Variants in ITPR1 observed in about 807,000 individuals in gnomAD.
The protein encoded by ITPR1 is inositol 1,4,5-trisphosphate-gated calcium channel ITPR1.
In ITPR1, 96 loss-of-function variants were observed where a neutral mutation model predicts 318.4. That is an observed-to-expected ratio of 0.30 (90% confidence interval 0.26 to 0.36). The LOEUF is 0.36. ITPR1 is among the 10% of genes least tolerant of loss of function. The probability of loss-of-function intolerance (pLI) is 1.00; values close to 1 mark genes in which losing one functional copy is unlikely to be tolerated. For synonymous variants in ITPR1, 1,312 were observed against 1,289.9 expected, an observed-to-expected ratio of 1.02 and a Z score of -0.37; for missense variants, 2,440 against 3,460.2, an observed-to-expected ratio of 0.71 and a Z score of 7.40.
In ITPR1 at chr3:4,665,195, C is replaced by G; in HGVS notation, c.1612C>G (p.Leu538Val). The G allele has an allele frequency of 6.2e-7, 1 of 1,614,034 alleles. No homozygotes were observed. ...TDCGDGPMLRLEELGDQRHAP... is the reference protein window; with the variant it reads ...TDCGDGPMLRVEELGDQRHAP... ...CTGCGGTGATGGCCCAATGCTTCGGCTGGAAGAGCTCGGGGACCAGCGGCA... is the reference window on the plus strand; with the variant it reads ...CTGCGGTGATGGCCCAATGCTTCGGGTGGAAGAGCTCGGGGACCAGCGGCA... The change falls in exon 17 of 62, where the codon CTG becomes GTG. Residue 538 changes from leucine to valine, a missense_variant. Leu to Val is a conservative substitution (Grantham distance 32). Transcript: ENST00000649015.
At chr3:4,742,810 T>A (rs1006108959) in intron 44 of ITPR1, among the ~76,000 whole-genome samples, 2 of 152,228 alleles carry the variant, frequency 1.3e-5, no homozygotes, top group African/African-American at 4.8e-5. Flanking sequence ...TTTTGTGAAA[T>A]GTGTTTTCTG....
chr3:4,762,154 C>T (rs1284939544), intron 44 of ITPR1, among the ~76,000 whole-genome samples: 3 of 152,178 alleles, frequency 2.0e-5, no homozygotes, highest in East Asian at 1.9e-4. Context: ...CTTCTTTCTT[C>T]GGGGGTACCT....
chr3:4,627,666 T>C (rs776148416), intron 4 of ITPR1, 97 bp from the exon 5 acceptor site: 2 of 740,066 alleles, frequency 2.7e-6, no homozygotes, highest in Admixed American at 4.1e-5. Flanking sequence ...TGATGTAATT[T>C]TATGTAATTT....
At chr3:4,677,444 C>A (rs1248635069) in intron 24 of ITPR1, among the ~76,000 whole-genome samples, 1 of 152,098 alleles carries the variant, frequency 6.6e-6, no homozygotes, top group Admixed American at 6.5e-5. Context: ...GAAGGCCTCT[C>A]CAGTACAGTG....
intron 4 of ITPR1, among the ~76,000 whole-genome samples, chr3:4,603,169 A>G (rs571016613): frequency 1.1e-3 from 166 of 148,620 alleles, no homozygotes; most frequent in African/African-American, 3.8e-3. Flanking sequence ...TGCTTTTTAG[A>G]TGACAGGCAT....
intron 5 of ITPR1, among the ~76,000 whole-genome samples, chr3:4,630,285 C>G (rs2092972281): frequency 6.6e-6 from 1 of 152,014 alleles, no homozygotes; most frequent in Non-Finnish European, 1.5e-5. Flanking sequence ...AGCATGTTAT[C>G]TGTGACGTGG....
rs2094570767 is a variant in ITPR1 at position 4,697,088 on chromosome 3, C to T, written c.4282-59C>T. The T allele has an allele frequency of 6.5e-6, 10 of 1,543,144 alleles. No individual in the cohort carries two copies. The East Asian group carries it at 2.1e-4, about 32-fold the overall frequency. ...GGTCCTTGCTGTGAAGTTGAGGCAG[C>T]TAATGAGTTCCATACACACCAAGAT... On this transcript the variant is annotated intron_variant, in intron 33 of 61. Transcript: ENST00000649015.
At chr3:4,736,616 C>T (rs954626854) in intron 44 of ITPR1, among the ~76,000 whole-genome samples, 1 of 152,226 alleles carries the variant, frequency 6.6e-6, no homozygotes, top group Non-Finnish European at 1.5e-5. Context: ...TGGCAAGGCC[C>T]ACTGCTTGTC....
At chr3:4,534,536 A>G (rs970333898) in intron 4 of ITPR1, among the ~76,000 whole-genome samples, 13 of 152,332 alleles carry the variant, frequency 8.5e-5, no homozygotes, top group African/African-American at 2.6e-4. Flanking sequence ...CCTTTCCAAA[A>G]CAATAGCTGG....
At chr3:4,788,944 G>A (rs2047375550) in intron 52 of ITPR1, among the ~76,000 whole-genome samples, 1 of 152,214 alleles carries the variant, frequency 6.6e-6, no homozygotes, top group African/African-American at 2.4e-5. Flanking sequence ...CGTGTTGGAG[G>A]TCAGTTTCCC....
chr3:4,768,672 G>T lies in ITPR1; in HGVS notation c.5887G>T (p.Asp1963Tyr). The T allele has an allele frequency of 6.2e-7, 1 of 1,613,838 alleles. No individual in the cohort carries two copies. The highest frequency in any genetic ancestry group is 2.2e-5 in the East Asian group (1 of 44,880). Residue 1963 changes from aspartate to tyrosine, a missense_variant, in exon 46 of 62, where the codon GAC (aspartate) becomes TAC (tyrosine). Around this residue, in one of 23 missense-constraint regions of ITPR1, gnomAD observed 113 missense variants for 103.6 expected, o/e 1.09. Coordinates refer to ENST00000649015, the MANE Select transcript of ITPR1 (RefSeq NM_001378452.1). ...GTQATADKAK[D>Y]DLEMSAVITI... Reference sequence around the variant, plus strand: ...CCAGGCCACTGCCGACAAGGCCAAGGACGACCTGGAGATGAGCGCGGTCAT... The same window carrying T: ...CCAGGCCACTGCCGACAAGGCCAAGTACGACCTGGAGATGAGCGCGGTCAT...
chr3:4,587,454 A>T (rs2090023158), intron 4 of ITPR1, among the ~76,000 whole-genome samples: 1 of 152,048 alleles, frequency 6.6e-6, no homozygotes, highest in Admixed American at 6.5e-5. Context: ...TGTTTTTAGT[A>T]GAGACAGGGT....
At chr3:4,789,045 G>A (rs973396609) in intron 52 of ITPR1, among the ~76,000 whole-genome samples, 1 of 152,136 alleles carries the variant, frequency 6.6e-6, no homozygotes. Context: ...CTACCTGCCT[G>A]CATCCCTAGA....
At chr3:4,577,712 A>G (rs999226992) in intron 4 of ITPR1, among the ~76,000 whole-genome samples, 2 of 152,196 alleles carry the variant, frequency 1.3e-5, no homozygotes, top group African/African-American at 4.8e-5. Flanking sequence ...TGTAACCTCT[A>G]ATTCTTTTGT....
At chr3:4,499,078 C>T (rs1035919625) in intron 2 of ITPR1, among the ~76,000 whole-genome samples, 3 of 152,122 alleles carry the variant, frequency 2.0e-5, no homozygotes, top group Non-Finnish European at 4.4e-5. Flanking sequence ...TACTTGAGCC[C>T]GGGGGTTTGA....
chr3:4,655,799 T>C (rs1575934886), intron 12 of ITPR1, among the ~76,000 whole-genome samples: 1 of 152,202 alleles, frequency 6.6e-6, no homozygotes, highest in South Asian at 2.1e-4. Flanking sequence ...TCGATGTTGA[T>C]TGGGGGTGGG....
intron 12 of ITPR1, among the ~76,000 whole-genome samples, chr3:4,656,976 G>T (rs1004453531): frequency 1.3e-5 from 2 of 152,202 alleles, no homozygotes; most frequent in African/African-American, 4.8e-5. Context: ...TAGGCAGATG[G>T]GCTTTGGAGC....
At chr3:4,665,064 C>G (rs2125196501) in intron 16 of ITPR1, 74 bp from the exon 17 acceptor site, 1 of 1,500,874 alleles carries the variant, frequency 6.7e-7, no homozygotes, top group African/African-American at 1.4e-5. Flanking sequence ...CTTGAGCTTG[C>G]ATTACTTCCA....
At chr3:4,666,689 C>T (rs2093954504) in intron 17 of ITPR1, among the ~76,000 whole-genome samples, 1 of 152,108 alleles carries the variant, frequency 6.6e-6, no homozygotes, top group Non-Finnish European at 1.5e-5. Context: ...TTTCAAGGGC[C>T]ACTTGAATTT....
Sources: allele counts gnomAD v4.1 joint callset (sites outside exome capture counted in the v4.1 genomes callset), GRCh38; gene constraint gnomAD v4.1.1; regional missense constraint gnomAD v4.1.1; transcripts MANE v1.5; gene names NCBI Gene and HGNC (gene_info 2026-07-23, HGNC 2026-07-21).